The following SNX24 variants were observed in gnomAD, a reference collection of about 807,000 sequenced individuals.
SNX24 encodes sorting nexin 24, also known as sorting nexin-24.
Under a neutral mutation model 28.7 loss-of-function variants are expected in SNX24, and 22 were observed. That is an observed-to-expected ratio of 0.77 (90% confidence interval 0.55 to 1.10). SNX24 has a LOEUF of 1.10. SNX24 is among the 50% of genes least tolerant of loss of function. SNX24 has a pLI of 0.00. For missense variants in SNX24, 221 were observed against 201.1 expected (o/e 1.10, Z -0.60); for synonymous variants, 69 against 71.5 (o/e 0.96, Z 0.18).
At position 122,917,741 on chromosome 5, in the gene SNX24, G is replaced by T. The variant is rs185414533; in HGVS notation, c.61-18993G>T. Among the ~76,000 whole-genome samples, 6 of 152,262 alleles carry T rather than the reference G, an allele frequency of 3.9e-5. No homozygotes were observed. The East Asian group carries it at 1.2e-3, about 29-fold the overall frequency. ...GTAAATGTAAGATAGAATTATAAGT[G>T]GGTGCCCTAGCTTCATGGTGTTCAA... On this transcript the variant is annotated intron_variant, in intron 1 of 6. Transcript: ENST00000261369.
intron 5 of SNX24, among the ~76,000 whole-genome samples, chr5:123,028,108 C>T (rs940748828): frequency 5.3e-5 from 8 of 152,180 alleles, no homozygotes; most frequent in African/African-American, 1.4e-4. Flanking sequence ...TGGGTCCTGA[C>T]GAAACCACCA....
intron 5 of SNX24, among the ~76,000 whole-genome samples, chr5:123,026,481 G>C (rs751135611): frequency 1.1e-4 from 17 of 152,156 alleles, no homozygotes; most frequent in Middle Eastern, 3.2e-3. Context: ...CTGAAGAGTA[G>C]GTATTCTCCG....
At chr5:122,996,269 G>A (rs1392976023) in intron 3 of SNX24, among the ~76,000 whole-genome samples, 1 of 152,164 alleles carries the variant, frequency 6.6e-6, no homozygotes, top group Non-Finnish European at 1.5e-5. Context: ...GTGTCCTTTG[G>A]GGAGCTGGCA....
chr5:123,019,895 T>C (rs949679551), intron 5 of SNX24, among the ~76,000 whole-genome samples: 4 of 152,268 alleles, frequency 2.6e-5, no homozygotes, highest in African/African-American at 7.2e-5. Context: ...GGCCTGACCC[T>C]TGGTGTACAA....
rs1246691843 is a variant in SNX24 at position 122,936,839 on chromosome 5, T to G, written c.144+22T>G. On this transcript the variant is annotated intron_variant, in intron 2 of 6. Coordinates refer to ENST00000261369, the MANE Select transcript of SNX24 (RefSeq NM_014035.4). ...AAAGGTAACTTGTTTTCTGTTTTTTTGTCTTTTCTCTATGTGGCAGATGGT... is the reference window on the plus strand; with the variant it reads ...AAAGGTAACTTGTTTTCTGTTTTTTGGTCTTTTCTCTATGTGGCAGATGGT... 2.6e-6 allele frequency: 4 copies of G among 1,526,544 alleles called. No individual in the cohort carries two copies. In the South Asian group the frequency reaches 4.6e-5, roughly 17 times the overall value. 94.6% of individuals were successfully genotyped at this position (1,526,544 alleles called of 1,614,324 possible).
At chr5:122,862,467 G>A (rs1366261212) in intron 1 of SNX24, among the ~76,000 whole-genome samples, 2 of 151,822 alleles carry the variant, frequency 1.3e-5, no homozygotes, top group Non-Finnish European at 2.9e-5. Context: ...AAAGTACGTG[G>A]TGGCGGCGCC....
At chr5:122,879,780 C>T (rs1017909879) in intron 1 of SNX24, among the ~76,000 whole-genome samples, 34 of 152,156 alleles carry the variant, frequency 2.2e-4, no homozygotes, top group African/African-American at 8.2e-4. Flanking sequence ...CTTGGCCTCC[C>T]AAAGTGCTGA....
intron 5 of SNX24, among the ~76,000 whole-genome samples, chr5:123,025,415 C>A (rs992830786): frequency 1.3e-5 from 2 of 152,130 alleles, no homozygotes; most frequent in Non-Finnish European, 2.9e-5. Context: ...TGTCTTCCTA[C>A]GACTGGTTTA....
chr5:122,899,493 C>T (rs994971093), intron 1 of SNX24, among the ~76,000 whole-genome samples: 3 of 152,016 alleles, frequency 2.0e-5, no homozygotes, highest in Non-Finnish European at 4.4e-5. Context: ...ACTGAATCCT[C>T]GAATTCGCAG....
intron 3 of SNX24, among the ~76,000 whole-genome samples, chr5:122,952,256 A>C (rs183940204): frequency 6.3e-4 from 96 of 152,362 alleles, no homozygotes; most frequent in Middle Eastern, 3.4e-3. Context: ...CATGGAACAC[A>C]TGCCTAGGCT....
chr5:123,024,699 T>G (rs1476084161), intron 5 of SNX24, among the ~76,000 whole-genome samples: 1 of 152,222 alleles, frequency 6.6e-6, no homozygotes, highest in Non-Finnish European at 1.5e-5. Flanking sequence ...TTCCCAAACT[T>G]GTGTTAGATA....
intron 1 of SNX24, 37 bp downstream of exon 1, chr5:122,845,730 C>T: frequency 1.6e-6 from 2 of 1,284,514 alleles, no homozygotes; most frequent in Non-Finnish European, 2.0e-6. Context: ...GCCCCGCGAG[C>T]CAGGCCTGCG....
At position 122,956,367 on chromosome 5, in the gene SNX24, TACAC is replaced by T. The variant is rs9327282; in HGVS notation, c.249+10244_249+10247del. Among the ~76,000 whole-genome samples the T allele has an allele frequency of 1.7e-3, 251 of 147,246 alleles. 3 individuals carry two copies. The highest frequency in any genetic ancestry group is 3.6e-3 in the African/African-American group (147 of 40,334). ...AAACACTTGGGAAAAAAAAAATATA[TACAC>T]ACACACACACACACACACACACACA... On this transcript the variant is annotated intron_variant, in intron 3 of 6. Transcript: ENST00000261369.
intron 6 of SNX24, among the ~76,000 whole-genome samples, chr5:123,006,785 T>G (rs1192993796): frequency 6.6e-6 from 1 of 152,216 alleles, no homozygotes; most frequent in Non-Finnish European, 1.5e-5. Context: ...CCCTAGCCTC[T>G]GAGAGCCTTT....
At chr5:122,884,566 T>G (rs1362476158) in intron 1 of SNX24, among the ~76,000 whole-genome samples, 1 of 151,078 alleles carries the variant, frequency 6.6e-6, no homozygotes, top group Non-Finnish European at 1.5e-5. Flanking sequence ...CTTTATCACA[T>G]AAAAAAAAAT....
At chr5:122,918,372 A>G (rs141936538) in intron 1 of SNX24, among the ~76,000 whole-genome samples, 4 of 152,342 alleles carry the variant, frequency 2.6e-5, no homozygotes, top group Non-Finnish European at 5.9e-5. Flanking sequence ...TGTAGTTTGA[A>G]GGCCAAATTA....
In SNX24 at chr5:122,891,144, A is replaced by G. The variant is rs1756949895; in HGVS notation, c.60+45451A>G. The G allele has an allele frequency of 2.1e-6, 3 of 1,453,792 alleles. No homozygotes were observed. The East Asian group carries it at 7.8e-5, about 38-fold the overall frequency. The allele number at this position is 1,453,792 out of a possible 1,614,324, so 90.1% of individuals were successfully genotyped here. A position where few individuals can be genotyped will look rare whatever the true frequency, so the allele number is the denominator to read the frequency against. On this transcript the variant is annotated intron_variant, in intron 1 of 6. Transcript: ENST00000261369. Reference sequence around the variant, plus strand: ...ATATCAGGTATTTTTGACTGTAGAAAACTTTACCTAGTGTTTTTTTGTTTT... The same window carrying G: ...ATATCAGGTATTTTTGACTGTAGAAGACTTTACCTAGTGTTTTTTTGTTTT...
intron 1 of SNX24, among the ~76,000 whole-genome samples, chr5:122,904,919 G>C (rs906493325): frequency 2.6e-5 from 4 of 152,182 alleles, no homozygotes; most frequent in Admixed American, 6.5e-5. Context: ...CGGCCGTCTC[G>C]TATTTCCCCA....
intron 1 of SNX24, among the ~76,000 whole-genome samples, chr5:122,906,622 C>T (rs180770949): frequency 1.4e-4 from 22 of 152,308 alleles, no homozygotes; most frequent in African/African-American, 5.3e-4. Flanking sequence ...GATTCTCCTG[C>T]CTCAGCCTCC....
Sources: allele counts gnomAD v4.1 joint callset (sites outside exome capture counted in the v4.1 genomes callset), GRCh38; gene constraint gnomAD v4.1.1; transcripts MANE v1.5; gene names NCBI Gene and HGNC (gene_info 2026-07-23, HGNC 2026-07-21).